FBXW10B: variants seen among roughly 807,000 people sequenced by gnomAD.
The protein encoded by FBXW10B is F-box and WD repeat domain containing protein 10B.
the FBXW10B span, among the ~76,000 whole-genome samples, chr17:15,603,424 T>C: frequency 2.5e-4 from 38 of 152,116 alleles, no homozygotes; most frequent in Admixed American, 1.2e-3. Context: ...GTATTGGTTC[T>C]GTTTCTCTGG....
the FBXW10B span, among the ~76,000 whole-genome samples, chr17:15,583,897 A>G: frequency 2.0e-5 from 3 of 152,084 alleles, no homozygotes; most frequent in African/African-American, 7.2e-5. Flanking sequence ...TTTTTAATCT[A>G]TTGGCAAATT....
the FBXW10B span, among the ~76,000 whole-genome samples, chr17:15,592,742 G>A: frequency 6.6e-6 from 1 of 151,894 alleles, no homozygotes; most frequent in Non-Finnish European, 1.5e-5. Context: ...CACATTGGTA[G>A]AACTGTGGTC....
the FBXW10B span, chr17:15,593,272 G>A: frequency 2.5e-6 from 4 of 1,607,932 alleles, no homozygotes; most frequent in Non-Finnish European, 3.4e-6. Flanking sequence ...TATCCCAGGG[G>A]AGGAAAAAAA....
the FBXW10B span, chr17:15,619,298 T>C: frequency 1.5e-5 from 25 of 1,613,896 alleles, no homozygotes; most frequent in East Asian, 1.1e-4. Flanking sequence ...ATTTTGGAAA[T>C]AGTGTAACAA....
the FBXW10B span, among the ~76,000 whole-genome samples, chr17:15,616,179 G>GT: frequency 5.3e-5 from 8 of 151,808 alleles, no homozygotes; most frequent in Admixed American, 6.6e-5. Context: ...TGGTTTGTTT[G>GT]TTTTTGGTTT....
chr17:15,576,517 A>G, the FBXW10B span, among the ~76,000 whole-genome samples: 9 of 152,390 alleles, frequency 5.9e-5, no homozygotes, highest in African/African-American at 2.2e-4. Flanking sequence ...CAGAGTGGAC[A>G]GTGAAAGCTT....
At chr17:15,613,517 C>G in the FBXW10B span, 1 of 966,538 alleles carries the variant, frequency 1.0e-6, no homozygotes, top group Non-Finnish European at 1.5e-6. Context: ...GAGGAGGAGG[C>G]CAGCTAAGGG....
At chr17:15,593,525 C>A in the FBXW10B span, 1 of 1,608,828 alleles carries the variant, frequency 6.2e-7, no homozygotes. Flanking sequence ...CAGGCAGTAC[C>A]CATCCTCTCA....
the FBXW10B span, among the ~76,000 whole-genome samples, chr17:15,616,530 C>T: frequency 3.9e-5 from 6 of 152,052 alleles, no homozygotes; most frequent in Admixed American, 3.3e-4. Flanking sequence ...GTTGGTCCGG[C>T]GTGATGGCTC....
At chr17:15,574,253 T>TA in the FBXW10B span, 24 of 617,852 alleles carry the variant, frequency 3.9e-5, no homozygotes, top group Non-Finnish European at 4.0e-5. Flanking sequence ...ACTTATAGTT[T>TA]AAAAAAAATG....
At chr17:15,618,882 C>T in the FBXW10B span, 6 of 1,508,598 alleles carry the variant, frequency 4.0e-6, no homozygotes, top group Non-Finnish European at 5.3e-6. Flanking sequence ...TTCAAAAAAC[C>T]TATGCTGCAT....
the FBXW10B span, among the ~76,000 whole-genome samples, chr17:15,601,182 G>A: frequency 1.1e-4 from 16 of 150,782 alleles, no homozygotes; most frequent in African/African-American, 2.9e-4. Context: ...GGCCGAGGCG[G>A]GCGGATCACA....
At chr17:15,587,203 G>A in the FBXW10B span, among the ~76,000 whole-genome samples, 1 of 151,032 alleles carries the variant, frequency 6.6e-6, no homozygotes, top group African/African-American at 2.5e-5. Context: ...GGATGGACAA[G>A]GCAGAATGGA....
chr17:15,613,113 A>G, the FBXW10B span, among the ~76,000 whole-genome samples: 1 of 152,124 alleles, frequency 6.6e-6, no homozygotes, highest in East Asian at 1.9e-4. Flanking sequence ...GCTGGGGAAA[A>G]AAAAAAAATC....
the FBXW10B span, among the ~76,000 whole-genome samples, chr17:15,574,702 T>G: frequency 2.3e-5 from 3 of 131,696 alleles, no homozygotes; most frequent in East Asian, 7.1e-4. Context: ...GGGGTCACAA[T>G]GGAGCTGTGT....
At chr17:15,573,315 G>C in the FBXW10B span, 1 of 152,118 alleles carries the variant, frequency 6.6e-6, no homozygotes, top group Admixed American at 6.6e-5. Flanking sequence ...AAGAATAATA[G>C]AGTAAACCCC....
the FBXW10B span, chr17:15,598,596 A>G: frequency 1.1e-5 from 18 of 1,613,424 alleles, no homozygotes; most frequent in Non-Finnish European, 1.4e-5. Flanking sequence ...TGCAAGTGAT[A>G]GTCCCCTGGT....
chr17:15,582,474 C>T, the FBXW10B span, among the ~76,000 whole-genome samples: 908 of 152,278 alleles, frequency 6.0e-3, 11 homozygotes, highest in African/African-American at 0.02. Context: ...TAATAACCCA[C>T]ATATTAATTG....
At chr17:15,587,952 C>T in the FBXW10B span, among the ~76,000 whole-genome samples, 1 of 152,136 alleles carries the variant, frequency 6.6e-6, no homozygotes. Flanking sequence ...GAGTAACCTC[C>T]TTAGGTTTCT....
Sources: gnomAD v4.1 joint callset for allele counts (sites outside exome capture counted in the v4.1 genomes callset) on GRCh38, gnomAD v4.1.1 for gene constraint, MANE v1.5 for transcripts, NCBI Gene and HGNC (gene_info 2026-07-23, HGNC 2026-07-21) for gene names.